FLT4: variants seen among roughly 807,000 people sequenced by gnomAD.
FLT4 encodes the protein fms related receptor tyrosine kinase 4.
FLT4 carries 30 observed loss-of-function variants against 163.2 expected under a neutral mutation model. The observed-to-expected ratio is 0.18, with a 90% CI of 0.14 to 0.25. The LOEUF (loss-of-function observed/expected upper bound fraction) is 0.25. FLT4 is among the 10% of genes least tolerant of loss of function. The pLI is 1.00. For missense variants in FLT4, 1,510 were observed against 1,863.8 expected (o/e 0.81, Z 3.50); for synonymous variants, 884 against 789.5 (o/e 1.12, Z -2.01).
rs1377611617 is a variant in FLT4, at chr5:180,620,828, T to G, written c.2299+48A>C. 1 of 1,609,630 alleles carries G rather than the reference T, an allele frequency of 6.2e-7. No individual in the cohort carries two copies. The highest frequency in any genetic ancestry group is 1.7e-5 in the Admixed American group (1 of 59,698). On this transcript the variant is annotated intron_variant, in intron 15 of 29. Transcript: ENST00000261937. The surrounding 1 kb of genome is among the most constrained non-coding windows in gnomAD (Gnocchi z 4.4). The stretch of plus-strand genomic sequence containing the variant: ...TGCCCAAGGTGGCCACAAGAAAGCG[T>G]TAACTGGGGACGGGAAGGGAGTTGA...
intron 21 of FLT4, among the ~76,000 whole-genome samples, chr5:180,617,940 T>A: frequency 3.4e-5 from 1 of 29,208 alleles, no homozygotes; most frequent in Non-Finnish European, 7.2e-5. Flanking sequence ...CAGAGCACCC[T>A]CTCCTGCCCC....
At chr5:180,603,884 A>T (rs7444101) in intron 29 of FLT4, among the ~76,000 whole-genome samples, 33,988 of 149,736 alleles carry the variant, frequency 0.23, 4,150 homozygotes, top group South Asian at 0.33. Context: ...AGCCTGGGCG[A>T]CAGAGTGAGA....
chr5:180,619,059 A>G lies in FLT4; in HGVS notation c.2812T>C (p.Phe938Leu). The change falls in exon 20 of 30, where the codon TTC (phenylalanine) becomes CTC (leucine). Residue 938 changes from phenylalanine to leucine, a missense_variant. Physicochemically the swap from Phe to Leu is conservative, Grantham distance 22. Transcript: ENST00000261937. ...EFCKYGNLSN[F>L]LRAKRDAFSP... is the part of the protein sequence containing the mutation. ...AAGGCGTCCCGCTTGGCGCGCAGGA[A>G]GTTGGAGAGGTTGCCGTACTTGCAG... 3 of 1,560,082 alleles carry G rather than the reference A, an allele frequency of 1.9e-6. No individual in the cohort carries two copies. Among genetic ancestry groups the G allele is most frequent in the Non-Finnish European group, 2.6e-6 (3 of 1,153,944 alleles).
At chr5:180,622,967 G>A (rs1057457097) in intron 11 of FLT4, 128 bp from the exon 12 acceptor site, 29 of 722,764 alleles carry the variant, frequency 4.0e-5, no homozygotes, top group African/African-American at 2.8e-4. Flanking sequence ...CTTTGGGCTG[G>A]AGAAGACCAA....
chr5:180,634,467 C>G (rs944585525), intron 1 of FLT4, among the ~76,000 whole-genome samples: 1 of 152,112 alleles, frequency 6.6e-6, no homozygotes, highest in Non-Finnish European at 1.5e-5. Flanking sequence ...CTTTGGGAGG[C>G]TGAGGCGGGT....
chr5:180,637,403 CCAGGGCCT>C (rs1248751781), intron 1 of FLT4, among the ~76,000 whole-genome samples: 1 of 152,118 alleles, frequency 6.6e-6, no homozygotes, highest in Non-Finnish European at 1.5e-5. Context: ...ACACTGCCAG[CCAGGGCCT>C]CAGAAATCCT....
At position 180,616,498 on chromosome 5, in the gene FLT4, C is replaced by A. The variant is rs112258507; in HGVS notation, c.3097-9G>T. The A allele has an allele frequency of 1.9e-6, 3 of 1,613,428 alleles. No homozygotes were observed. The South Asian group carries it at 3.3e-5, about 18-fold the overall frequency. ...AGGTCTCTGTGGATGCACTGGGGTG[C>A]GGGGAGGCGGCAGGGGGGCTGTCAG... is the stretch of plus-strand genomic sequence containing the variant. On this transcript the variant is annotated splice_polypyrimidine_tract_variant and intron_variant, in intron 22 of 29. Coordinates refer to ENST00000261937, the MANE Select transcript of FLT4 (RefSeq NM_182925.5).
chr5:180,614,535 A>G (rs1404049925), intron 23 of FLT4, among the ~76,000 whole-genome samples: 2 of 151,626 alleles, frequency 1.3e-5, no homozygotes, highest in Non-Finnish European at 2.9e-5. Context: ...CACTCTCACC[A>G]TCTCCCCTGA....
Position 180,620,131 on chromosome 5 carries a change from C to G in FLT4, c.2542+42G>C, listed in dbSNP as rs1763011214. 6.3e-7 allele frequency: 1 copy of G among 1,584,660 alleles called. No individual in the cohort carries two copies. Among genetic ancestry groups the G allele is most frequent in the African/African-American group, 1.3e-5 (1 of 74,428 alleles). On this transcript the variant is annotated intron_variant, in intron 17 of 29. Coordinates refer to ENST00000261937, the MANE Select transcript of FLT4 (RefSeq NM_182925.5). This position sits in a 1 kb window ranked among gnomAD's most constrained non-coding sequence, Gnocchi z 4.4. ...GCACTCCGGCCTGCAGCAGGTGGGTCGGGCAGGAGGTGTGGGTTGGGCAGG... is the reference window on the plus strand; with the variant it reads ...GCACTCCGGCCTGCAGCAGGTGGGTGGGGCAGGAGGTGTGGGTTGGGCAGG...
Position 180,602,887 on chromosome 5 carries a change from G to A in FLT4, c.*305C>T, listed in dbSNP as rs887787028. On this transcript the variant is annotated 3_prime_UTR_variant, in exon 30 of 30. Coordinates refer to ENST00000261937, the MANE Select transcript of FLT4 (RefSeq NM_182925.5). The stretch of plus-strand genomic sequence containing the variant: ...TGTGATGAAAGGAGGTCGCCAAAGA[G>A]ACATTCCCATGGAAGTGCTGGCCCC... 2.0e-5 allele frequency: 12 copies of A among 586,724 alleles called. No individual in the cohort carries two copies. Among genetic ancestry groups the A allele is most frequent in the Non-Finnish European group, 3.6e-5 (12 of 329,846 alleles). The allele number at this position is 586,724 out of a possible 1,614,324, so 36.3% of individuals were successfully genotyped here. A position where few individuals can be genotyped will look rare whatever the true frequency, so the allele number is the denominator to read the frequency against.
chr5:180,639,690 G>A (rs893840394), intron 1 of FLT4, among the ~76,000 whole-genome samples: 9 of 152,310 alleles, frequency 5.9e-5, no homozygotes, highest in Non-Finnish European at 1.3e-4. Context: ...CTGTTTTATA[G>A]GATGGGCTCC....
At chr5:180,613,910 G>C in intron 24 of FLT4, 158 bp downstream of exon 24, 1 of 698,694 alleles carries the variant, frequency 1.4e-6, no homozygotes, top group Non-Finnish European at 2.6e-6. Context: ...AGGCTGGGGA[G>C]AGGTGGGGGG....
intron 1 of FLT4, among the ~76,000 whole-genome samples, chr5:180,639,456 T>G (rs1764937121): frequency 6.6e-6 from 1 of 150,782 alleles, no homozygotes; most frequent in Admixed American, 6.6e-5. Context: ...CATGGATGGG[T>G]AGATTGAACA....
chr5:180,611,239 A>T, intron 27 of FLT4, 92 bp downstream of exon 27: 1 of 1,425,798 alleles, frequency 7.0e-7, no homozygotes, highest in Non-Finnish European at 9.6e-7. Context: ...ACGTCGCATG[A>T]TTTGCTTTTC....
Position 180,620,433 on chromosome 5 carries a change from GAAA to G in FLT4, c.2407-128_2407-126del. ...GGGGTTCTCAGTCAAGGAGGGGACA[GAAA>G]AAAAGACAGACAACCTCTGCGGGGT... On this transcript the variant is annotated intron_variant, in intron 16 of 29. Transcript: ENST00000261937. The surrounding 1 kb of genome is among the most constrained non-coding windows in gnomAD (Gnocchi z 4.4). 1 of 1,366,340 alleles carries G rather than the reference GAAA, an allele frequency of 7.3e-7. No individual in the cohort carries two copies. Among genetic ancestry groups the G allele is most frequent in the Non-Finnish European group, 1.0e-6 (1 of 967,568 alleles). 84.6% of individuals were successfully genotyped at this position (1,366,340 alleles called of 1,614,324 possible).
At chr5:180,627,058 T>C (rs2127829774) in intron 8 of FLT4, among the ~76,000 whole-genome samples, 1 of 152,236 alleles carries the variant, frequency 6.6e-6, no homozygotes, top group Middle Eastern at 3.4e-3. Flanking sequence ...ACATGTCTGC[T>C]GCACACGTGA....
intron 1 of FLT4, among the ~76,000 whole-genome samples, chr5:180,642,525 G>A (rs921972485): frequency 2.6e-5 from 4 of 152,058 alleles, no homozygotes; most frequent in South Asian, 2.1e-4. Context: ...GTCCCCAGCC[G>A]GCCTCGGGCC....
rs1222161872 is a variant in FLT4, at chr5:180,630,170, C to G, written c.513+55G>C. On this transcript the variant is annotated intron_variant, in intron 4 of 29. Transcript: ENST00000261937. This position sits in a 1 kb window ranked among gnomAD's most constrained non-coding sequence, Gnocchi z 6.3. ...TGCTCCTGGCCAGACAGGCGGCCGC[C>G]TTTCCCAGGGGTGGGATGGGAGGGT... The G allele has an allele frequency of 2.0e-5, 23 of 1,136,414 alleles. No individual in the cohort carries two copies. Among genetic ancestry groups the G allele is most frequent in the Non-Finnish European group, 2.7e-5 (22 of 805,448 alleles). 70.4% of individuals were successfully genotyped at this position (1,136,414 alleles called of 1,614,324 possible).
chr5:180,609,013 T>C lies in FLT4; in HGVS notation c.3848A>G (p.Glu1283Gly), dbSNP rs1344639920. ...TDSGMVLASE[E>G]FEQIESRHRQ... The stretch of plus-strand genomic sequence containing the variant: ...ATGCCTGCTCTCTATCTGCTCAAAC[T>C]CCTCCGAGGCCAGCACCATCCCACT... Residue 1283 changes from glutamate (E) to glycine (G), a missense_variant, in exon 29 of 30, where the codon GAG becomes GGG. This residue lies in a region of FLT4 where 295 missense variants were observed against 311.0 expected (regional missense o/e 0.95). Transcript: ENST00000261937. The C allele has an allele frequency of 6.2e-7, 1 of 1,614,140 alleles. No homozygotes were observed. Among genetic ancestry groups the C allele is most frequent in the African/African-American group, 1.3e-5 (1 of 75,030 alleles).
Sources: gnomAD v4.1 joint callset for allele counts (sites outside exome capture counted in the v4.1 genomes callset) on GRCh38, gnomAD v4.1.1 for gene constraint, gnomAD v4.1.1 regional missense constraint, Gnocchi (gnomAD v3.1) non-coding constraint, MANE v1.5 for transcripts, NCBI Gene and HGNC (gene_info 2026-07-23, HGNC 2026-07-21) for gene names.